Variants in TGFBR1 observed in about 807,000 individuals in gnomAD.
TGFBR1 encodes the protein transforming growth factor beta receptor 1.
TGFBR1 carries 20 observed loss-of-function variants against 55.1 expected under a neutral mutation model. The observed-to-expected ratio is 0.36, with a 90% CI of 0.26 to 0.53. The LOEUF (loss-of-function observed/expected upper bound fraction) is 0.53, where lower values mean the gene tolerates loss of function less well. TGFBR1 is among the 20% of genes least tolerant of loss of function. The pLI, the probability that TGFBR1 is intolerant of heterozygous loss-of-function variation, is 0.91. For synonymous variants in TGFBR1, 220 were observed against 214.8 expected (o/e 1.02, Z -0.21); for missense variants, 385 against 617.6 (o/e 0.62, Z 3.99).
intron 2 of TGFBR1, among the ~76,000 whole-genome samples, chr9:99,131,006 G>GAT (rs1827206485): frequency 6.6e-6 from 1 of 152,068 alleles, no homozygotes; most frequent in South Asian, 2.1e-4. Flanking sequence ...CATATTAAGA[G>GAT]ATATAGGGAA....
At chr9:99,144,689 G>C (rs201538774) in intron 5 of TGFBR1, 43 bp from the exon 6 acceptor site, 4 of 1,611,226 alleles carry the variant, frequency 2.5e-6, no homozygotes, top group Non-Finnish European at 3.4e-6. Flanking sequence ...GTTGTGATTG[G>C]TATTACCTTT....
At chr9:99,104,194 T>C (rs373942528), upstream of TGFBR1, 1 of 152,324 alleles carries the variant, frequency 6.6e-6, no homozygotes, top group African/African-American at 2.4e-5. Context: ...AGGATTATTA[T>C]ACAGCAGTGT....
chr9:99,131,780 G>T (rs1339893293), intron 2 of TGFBR1, among the ~76,000 whole-genome samples: 1 of 152,084 alleles, frequency 6.6e-6, no homozygotes, highest in Non-Finnish European at 1.5e-5. Flanking sequence ...ACCAGCCTGA[G>T]CAACATGGTG....
intron 1 of TGFBR1, among the ~76,000 whole-genome samples, chr9:99,116,418 GCAA>G (rs935614436): frequency 7.9e-5 from 12 of 152,322 alleles, no homozygotes; most frequent in Admixed American, 2.0e-4. Flanking sequence ...GTTGCCCTAA[GCAA>G]TTGGGTGCTT....
intron 1 of TGFBR1, among the ~76,000 whole-genome samples, chr9:99,112,838 G>T (rs1346479653): frequency 6.6e-6 from 1 of 151,870 alleles, no homozygotes; most frequent in East Asian, 1.9e-4. Flanking sequence ...AGTCAGCAAA[G>T]ATTAAAAAAA....
intron 1 of TGFBR1, among the ~76,000 whole-genome samples, chr9:99,120,996 GAGACTGGA>G (rs1554697602): frequency 6.6e-6 from 1 of 152,192 alleles, no homozygotes; most frequent in Non-Finnish European, 1.5e-5. Flanking sequence ...TAGAAACTAG[GAGACTGGA>G]AAATGAAGAT....
intron 4 of TGFBR1, among the ~76,000 whole-genome samples, chr9:99,140,708 G>T (rs891441378): frequency 6.6e-6 from 1 of 152,090 alleles, no homozygotes; most frequent in African/African-American, 2.4e-5. Flanking sequence ...GATTTTATAA[G>T]TGGTAATTTC....
At chr9:99,130,256 G>A (rs986194287) in intron 2 of TGFBR1, among the ~76,000 whole-genome samples, 1 of 152,148 alleles carries the variant, frequency 6.6e-6, no homozygotes, top group Non-Finnish European at 1.5e-5. Context: ...TGAGGTTAGG[G>A]TATGGGGGCA....
chr9:99,149,890 T>C lies in TGFBR1; in HGVS notation c.*585T>C, dbSNP rs1827932331. ...TGCAATTGTATTTTGTATACTATTA[T>C]TGTTCTTTCACTTATTCAGAACATT... On this transcript the variant is annotated 3_prime_UTR_variant, in exon 9 of 9. Coordinates refer to ENST00000374994, the MANE Select transcript of TGFBR1 (RefSeq NM_004612.4). 1 of 207,592 alleles carries C rather than the reference T, an allele frequency of 4.8e-6. No individual in the cohort carries two copies. Among genetic ancestry groups the C allele is most frequent in the Non-Finnish European group, 9.8e-6 (1 of 101,658 alleles). The allele number at this position is 207,592 out of a possible 1,614,324, so 12.9% of individuals were successfully genotyped here.
At chr9:99,121,154 C>T (rs2118452724) in intron 1 of TGFBR1, among the ~76,000 whole-genome samples, 1 of 152,166 alleles carries the variant, frequency 6.6e-6, no homozygotes, top group Admixed American at 6.6e-5. Context: ...AAAAATCAGG[C>T]GTTTATTCTG....
intron 7 of TGFBR1, among the ~76,000 whole-genome samples, chr9:99,147,309 T>C (rs1827826210): frequency 6.6e-6 from 1 of 152,226 alleles, no homozygotes; most frequent in Non-Finnish European, 1.5e-5. Context: ...TATATCCCTG[T>C]GCAAGTGAGA....
At chr9:99,140,697 T>C (rs1183727566) in intron 4 of TGFBR1, among the ~76,000 whole-genome samples, 1 of 152,242 alleles carries the variant, frequency 6.6e-6, no homozygotes, top group African/African-American at 2.4e-5. Context: ...ATGAAGGTAC[T>C]GATTTTATAA....
Position 99,152,846 on chromosome 9 carries a change from TACCCATGGGC to T in TGFBR1, c.*3542_*3551del. The T allele has an allele frequency of 4.3e-6, 1 of 231,388 alleles. No individual in the cohort carries two copies. The highest frequency in any genetic ancestry group is 5.6e-5 in the Admixed American group (1 of 17,750). 14.3% of individuals were successfully genotyped at this position (231,388 alleles called of 1,614,324 possible). ...TTGTCTCTGTTTTGGATTACTGGAATACCCATGGGCCCTCTCAAGAGTGCTGGACTTCTAG... is the reference window on the plus strand; with the variant it reads ...TTGTCTCTGTTTTGGATTACTGGAATCCTCTCAAGAGTGCTGGACTTCTAG... On this transcript the variant is annotated 3_prime_UTR_variant, in exon 9 of 9. Transcript: ENST00000374994.
chr9:99,129,729 A>G (rs889805451), intron 2 of TGFBR1, among the ~76,000 whole-genome samples: 6 of 151,990 alleles, frequency 3.9e-5, no homozygotes, highest in Non-Finnish European at 7.4e-5. Flanking sequence ...GCAAAACCCT[A>G]TCTCTACTAA....
intron 1 of TGFBR1, chr9:99,128,033 A>G (rs1827089973): frequency 2.2e-6 from 1 of 455,958 alleles, no homozygotes; most frequent in Middle Eastern, 3.3e-4. Context: ...AGAGCACTTA[A>G]CTTCATCAGA....
chr9:99,129,559 A>G (rs1259820016), intron 2 of TGFBR1, among the ~76,000 whole-genome samples: 1 of 152,194 alleles, frequency 6.6e-6, no homozygotes, highest in Non-Finnish European at 1.5e-5. Context: ...TAAATTAATT[A>G]TACATGATTT....
At chr9:99,142,916 G>A (rs533755236) in intron 5 of TGFBR1, among the ~76,000 whole-genome samples, 30 of 152,112 alleles carry the variant, frequency 2.0e-4, no homozygotes, top group African/African-American at 7.2e-4. Flanking sequence ...AAAATTAGTC[G>A]GGCATGGTGG....
At chr9:99,133,738 T>C (rs1588580972) in intron 3 of TGFBR1, among the ~76,000 whole-genome samples, 2 of 152,238 alleles carry the variant, frequency 1.3e-5, no homozygotes, top group Non-Finnish European at 2.9e-5. Context: ...TTGAAAAGTA[T>C]GAGTCATCTT....
intron 8 of TGFBR1, among the ~76,000 whole-genome samples, chr9:99,148,388 A>G (rs11568801): frequency 1.2e-4 from 18 of 152,236 alleles, no homozygotes; most frequent in Non-Finnish European, 2.2e-4. Context: ...GTAAATTTAA[A>G]GATTCGTAAG....
Sources: allele counts gnomAD v4.1 joint callset (sites outside exome capture counted in the v4.1 genomes callset), GRCh38; gene constraint gnomAD v4.1.1; transcripts MANE v1.5; gene names NCBI Gene and HGNC (gene_info 2026-07-23, HGNC 2026-07-21).